The following GAREM2 variants were observed in gnomAD, a reference collection of about 807,000 sequenced individuals.
GAREM2 encodes GRB2-associated and regulator of MAPK protein 2.
Under a neutral mutation model 55.6 loss-of-function variants are expected in GAREM2, and 30 were observed. The observed-to-expected ratio is 0.54, with a 90% CI of 0.40 to 0.73. The LOEUF (loss-of-function observed/expected upper bound fraction) is 0.73, where lower values mean the gene tolerates loss of function less well. Ranked by LOEUF, GAREM2 falls within the 30% of genes least tolerant of loss-of-function variation. GAREM2 has a pLI of 0.00. For synonymous variants in GAREM2, 550 were observed against 569.1 expected (o/e 0.97, Z 0.48); for missense variants, 1,075 against 1,257.7 (o/e 0.85, Z 2.20).
chr2:26,199,833 G>A, the GAREM2 span, among the ~76,000 whole-genome samples: 1 of 152,224 alleles, frequency 6.6e-6, no homozygotes, highest in Non-Finnish European at 1.5e-5. Flanking sequence ...AGACGACTAA[G>A]TGAGGATGGA....
intron 1 of GAREM2, among the ~76,000 whole-genome samples, chr2:26,176,101 C>T (rs1668856357): frequency 6.6e-6 from 1 of 152,200 alleles, no homozygotes; most frequent in Non-Finnish European, 1.5e-5. Flanking sequence ...GGCATTCCAG[C>T]CACTGATGAA....
At position 26,184,387 on chromosome 2, in the gene GAREM2, G is replaced by C. The variant is rs763267858; in HGVS notation, c.539G>C (p.Arg180Pro). ...ACCACCCTCCTGCGAAAGCTGGGCC[G>C]GGCCGGGGCGCTGGCCGGGGTGGGC... Reference protein sequence around the residue: ...RFTTLLRKLGRAGALAGVGGG... With the variant: ...RFTTLLRKLGPAGALAGVGGG... The change falls in exon 4 of 6, where the codon CGG (arginine) becomes CCG (proline). Residue 180 changes from arginine to proline, a missense_variant. This residue lies in a region of GAREM2 where 230 missense variants were observed against 310.6 expected (regional missense o/e 0.74). Coordinates refer to ENST00000401533, the MANE Select transcript of GAREM2 (RefSeq NM_001168241.2). 2.1e-5 allele frequency: 32 copies of C among 1,530,878 alleles called. No individual in the cohort carries two copies. Among genetic ancestry groups the C allele is most frequent in the Non-Finnish European group, 2.7e-5 (31 of 1,136,976 alleles). 94.8% of individuals were successfully genotyped at this position (1,530,878 alleles called of 1,614,324 possible).
rs1668761849 is a variant in GAREM2, at chr2:26,173,351, A to G, written c.112+19A>G. The stretch of plus-strand genomic sequence containing the variant: ...GGGCCAGGTACCGGGGTCGCTGGAG[A>G]TGGGGACCGGGGTCCGCGGGGAAAT... On this transcript the variant is annotated intron_variant, in intron 1 of 5. Transcript: ENST00000401533. 4 of 1,316,862 alleles carry G rather than the reference A, an allele frequency of 3.0e-6. No individual in the cohort carries two copies. Among genetic ancestry groups the G allele is most frequent in the Non-Finnish European group, 3.9e-6 (4 of 1,012,786 alleles). 81.6% of individuals were successfully genotyped at this position (1,316,862 alleles called of 1,614,324 possible).
At chr2:26,182,523 C>A (rs1284384396) in intron 2 of GAREM2, 2 of 1,533,146 alleles carry the variant, frequency 1.3e-6, no homozygotes, top group Non-Finnish European at 1.8e-6. Flanking sequence ...GTCCCTACCC[C>A]CTCAGATGAG....
intron 2 of GAREM2, among the ~76,000 whole-genome samples, chr2:26,180,410 C>T (rs910141488): frequency 6.6e-6 from 1 of 152,222 alleles, no homozygotes; most frequent in African/African-American, 2.4e-5. Context: ...CTTCCCTGAG[C>T]CATCTCACTT....
intron 2 of GAREM2, chr2:26,181,921 G>T: frequency 1.3e-6 from 1 of 785,488 alleles, no homozygotes; most frequent in Non-Finnish European, 1.5e-6. Flanking sequence ...TGAAGCTGCA[G>T]TGAGTTGTGA....
chr2:26,194,888 C>T, the GAREM2 span, among the ~76,000 whole-genome samples: 1 of 151,850 alleles, frequency 6.6e-6, no homozygotes, highest in South Asian at 2.1e-4. Context: ...GCTGGGAGAA[C>T]CCTGCCACAT....
At chr2:26,173,559 G>A (rs1359350957) in intron 1 of GAREM2, among the ~76,000 whole-genome samples, 1 of 152,012 alleles carries the variant, frequency 6.6e-6, no homozygotes, top group African/African-American at 2.4e-5. Flanking sequence ...CGGGGACAGG[G>A]CCCGGGACAG....
rs1322909399 is a variant in GAREM2, at chr2:26,187,415, G to A, written c.1783G>A (p.Ala595Thr). The change falls in exon 6 of 6, where the codon GCC (alanine) becomes ACC (threonine). Residue 595 changes from alanine (A) to threonine (T), a missense_variant. By Grantham distance (58) the Ala-to-Thr change is moderately conservative. Transcript: ENST00000401533. ...RALTEPLSGRAASLLGADTPV... is the reference protein window; with the variant it reads ...RALTEPLSGRTASLLGADTPV... Reference sequence around the variant, plus strand: ...CCTCACAGAGCCTCTGAGCGGTCGAGCCGCCTCCCTTCTGGGGGCTGACAC... The same window carrying A: ...CCTCACAGAGCCTCTGAGCGGTCGAACCGCCTCCCTTCTGGGGGCTGACAC... 6.5e-7 allele frequency: 1 copy of A among 1,547,582 alleles called. No individual in the cohort carries two copies. Among genetic ancestry groups the A allele is most frequent in the African/African-American group, 1.4e-5 (1 of 73,094 alleles).
chr2:26,178,016 C>T (rs1668918434), intron 2 of GAREM2, among the ~76,000 whole-genome samples: 1 of 152,216 alleles, frequency 6.6e-6, no homozygotes, highest in South Asian at 2.1e-4. Flanking sequence ...TCACAGGTAC[C>T]CCTGCCTCCT....
At position 26,182,984 on chromosome 2, in the gene GAREM2, G is replaced by C. The variant is rs1574590711; in HGVS notation, c.271G>C (p.Glu91Gln). 2 of 1,551,564 alleles carry C rather than the reference G, an allele frequency of 1.3e-6. No homozygotes were observed. Among genetic ancestry groups the C allele is most frequent in the African/African-American group, 1.4e-5 (1 of 73,054 alleles). Residue 91 changes from glutamate to glutamine, a missense_variant, in exon 3 of 6, where the codon GAA becomes CAA. Physicochemically the swap from Glu to Gln is conservative, Grantham distance 29. Coordinates refer to ENST00000401533, the MANE Select transcript of GAREM2 (RefSeq NM_001168241.2). ...CTATGCAGGGAAGTTCAAGCTCCTGGAACAGGCCCGGGATGTGCGGGAGCC... is the reference window on the plus strand; with the variant it reads ...CTATGCAGGGAAGTTCAAGCTCCTGCAACAGGCCCGGGATGTGCGGGAGCC... ...LQYPGKFKLLEQARDVREPVR... is the reference protein window; with the variant it reads ...LQYPGKFKLLQQARDVREPVR...
At chr2:26,201,293 A>C in the GAREM2 span, 73 of 1,611,286 alleles carry the variant, frequency 4.5e-5, 1 homozygote, top group South Asian at 6.7e-4. Context: ...ATGATGTTAG[A>C]GCTTTCTTCT....
the GAREM2 span, among the ~76,000 whole-genome samples, chr2:26,198,896 CTTTT>C: frequency 7.1e-6 from 1 of 141,466 alleles, no homozygotes. Flanking sequence ...CAAAACATAA[CTTTT>C]TTTTTTTTTT....
At chr2:26,198,185 T>C in the GAREM2 span, among the ~76,000 whole-genome samples, 61 of 152,306 alleles carry the variant, frequency 4.0e-4, no homozygotes, top group East Asian at 0.011. Context: ...GCTTCACCTT[T>C]ATAAGAACAA....
In GAREM2 at chr2:26,187,458, A is replaced by T. The variant is rs1288477474; in HGVS notation, c.1826A>T (p.His609Leu). 3 of 1,548,140 alleles carry T rather than the reference A, an allele frequency of 1.9e-6. No homozygotes were observed. Among genetic ancestry groups the T allele is most frequent in the Non-Finnish European group, 2.6e-6 (3 of 1,145,344 alleles). Residue 609 changes from histidine (H) to leucine (L), a missense_variant, in exon 6 of 6, where the codon CAC (histidine) becomes CTC (leucine). Physicochemically the swap from His to Leu is moderately conservative, Grantham distance 99. Coordinates refer to ENST00000401533, the MANE Select transcript of GAREM2 (RefSeq NM_001168241.2). ...LGADTPVKTYHSCPPLFKPSH... is the reference protein window; with the variant it reads ...LGADTPVKTYLSCPPLFKPSH... ...GCTGACACCCCTGTTAAGACCTACC[A>T]CAGCTGCCCTCCTCTATTCAAGCCC...
chr2:26,198,875 C>T, the GAREM2 span, among the ~76,000 whole-genome samples: 49 of 151,754 alleles, frequency 3.2e-4, no homozygotes, highest in Non-Finnish European at 1.0e-4. Context: ...CATAGTGAGA[C>T]CCTATATCTA....
the GAREM2 span, among the ~76,000 whole-genome samples, chr2:26,200,050 G>A: frequency 6.6e-6 from 1 of 152,222 alleles, no homozygotes; most frequent in Non-Finnish European, 1.5e-5. Flanking sequence ...GAGGACAACC[G>A]AAACGGGGTG....
chr2:26,182,615 C>T (rs553196793), intron 2 of GAREM2: 21 of 927,162 alleles, frequency 2.3e-5, no homozygotes, highest in African/African-American at 4.9e-5. Context: ...GCCAGCATCC[C>T]GGTACCACAC....
Position 26,186,305 on chromosome 2 carries a change from G to T in GAREM2, c.1545G>T (p.Pro515=), listed in dbSNP as rs1421953315. Residue 515 remains proline, a synonymous_variant, in exon 5 of 6, where the codon CCG becomes CCT. Coordinates refer to ENST00000401533, the MANE Select transcript of GAREM2 (RefSeq NM_001168241.2). ...PVPPRFPKLQ[P]VHSPSSSLSY... ...CCCCTCGCTTCCCCAAGCTGCAGCC[G>T]GTACATTCCCCCAGCTCCAGCCTCT... is the stretch of plus-strand genomic sequence containing the variant. 6.4e-7 allele frequency: 1 copy of T among 1,551,536 alleles called. No individual in the cohort carries two copies. The highest frequency in any genetic ancestry group is 8.7e-7 in the Non-Finnish European group (1 of 1,146,958).
Sources: gnomAD v4.1 joint callset for allele counts (sites outside exome capture counted in the v4.1 genomes callset) on GRCh38, gnomAD v4.1.1 for gene constraint, gnomAD v4.1.1 regional missense constraint, MANE v1.5 for transcripts, NCBI Gene and HGNC (gene_info 2026-07-23, HGNC 2026-07-21) for gene names.